Variants in TRANK1 observed in about 807,000 individuals in gnomAD.
TRANK1 encodes tetratricopeptide repeat and ankyrin repeat containing 1, also known as TPR and ankyrin repeat-containing protein 1.
A neutral mutation model predicts 266.0 loss-of-function variants in TRANK1; 198 were observed. The ratio of observed to expected loss-of-function variants is 0.74; its 90% CI spans 0.66 to 0.84. The LOEUF (loss-of-function observed/expected upper bound fraction) is 0.84. Among genes scored for constraint, TRANK1 ranks in the 40% least tolerant of loss-of-function variants. The pLI is 0.00. For synonymous variants in TRANK1, 1,396 were observed against 1,384.1 expected, an observed-to-expected ratio of 1.01 and a Z score of -0.19; for missense variants, 3,326 against 3,634.6, an observed-to-expected ratio of 0.92 and a Z score of 2.18.
At chr3:36,877,082 C>T (rs2079401083) in intron 8 of TRANK1, among the ~76,000 whole-genome samples, 1 of 152,148 alleles carries the variant, frequency 6.6e-6, no homozygotes, top group Non-Finnish European at 1.5e-5. Flanking sequence ...TTTAGGCCAA[C>T]TTAAATAATC....
chr3:36,833,600 C>T lies in TRANK1; in HGVS notation c.5983G>A (p.Ala1995Thr), dbSNP rs753552170. The change falls in exon 22 of 24, where the codon GCC becomes ACC. Residue 1995 changes from alanine to threonine, a missense_variant. Physicochemically the swap from Ala to Thr is moderately conservative, Grantham distance 58. Transcript: ENST00000645898. ...KDFQASCLLG[A>T]ARLNVARDSD... ...TCCCTGGCCACATTGAGGCGGGCGGCCCCCAGCAGACATGAGGCCTGGAAG... is the reference window on the plus strand; with the variant it reads ...TCCCTGGCCACATTGAGGCGGGCGGTCCCCAGCAGACATGAGGCCTGGAAG... 2 of 1,613,766 alleles carry T rather than the reference C, an allele frequency of 1.2e-6. No homozygotes were observed. Among genetic ancestry groups the T allele is most frequent in the East Asian group, 4.5e-5 (2 of 44,872 alleles).
At chr3:36,851,577 A>G (rs1161498915) in intron 15 of TRANK1, 142 bp downstream of exon 15, 1 of 1,248,526 alleles carries the variant, frequency 8.0e-7, no homozygotes, top group African/African-American at 1.5e-5. Flanking sequence ...ACAAAACCTC[A>G]TACTGAATGA....
In TRANK1 at chr3:36,832,222, G is replaced by T. The variant is rs770494961; in HGVS notation, c.7361C>A (p.Ala2454Asp). ...PLIPSIGNTVALLEFQFIHCG... is the reference protein window; with the variant it reads ...PLIPSIGNTVDLLEFQFIHCG... ...GTGGATGAACTGGAACTCCAGGAGG[G>T]CTACTGTGTTTCCAATGCTGGGGAT... The change falls in exon 22 of 24, where the codon GCC becomes GAC. Residue 2454 changes from alanine to aspartate, a missense_variant. By Grantham distance (126) the Ala-to-Asp change is moderately radical (BLOSUM62 -2). Coordinates refer to ENST00000645898, the MANE Select transcript of TRANK1 (RefSeq NM_001329998.2). 1.9e-6 allele frequency: 3 copies of T among 1,613,850 alleles called. No homozygotes were observed. Among genetic ancestry groups the T allele is most frequent in the Non-Finnish European group, 2.5e-6 (3 of 1,179,892 alleles).
intron 9 of TRANK1, among the ~76,000 whole-genome samples, chr3:36,865,024 G>GTTGTTTTTTTTT (rs58393381): frequency 8.3e-6 from 1 of 119,808 alleles, no homozygotes; most frequent in African/African-American, 3.4e-5. Context: ...TGTTTTTTTG[G>GTTGTTTTTTTTT]TTTTTTTTTT....
intron 22 of TRANK1, 90 bp downstream of exon 22, chr3:36,830,783 C>A: frequency 7.1e-7 from 1 of 1,398,980 alleles, no homozygotes; most frequent in South Asian, 1.5e-5. Context: ...ATCCCCAAGT[C>A]AGAAGCCACG....
chr3:36,835,179 C>T (rs931675926), intron 20 of TRANK1, among the ~76,000 whole-genome samples: 6 of 151,110 alleles, frequency 4.0e-5, no homozygotes, highest in African/African-American at 7.3e-5. Flanking sequence ...ATTAGCCGGG[C>T]GTAGTGGCGG....
Position 36,856,238 on chromosome 3 carries a change from C to G in TRANK1, c.3484G>C (p.Ala1162Pro). The G allele has an allele frequency of 6.2e-7, 1 of 1,613,322 alleles. No homozygotes were observed. Among genetic ancestry groups the G allele is most frequent in the Non-Finnish European group, 8.5e-7 (1 of 1,179,514 alleles). ...GCTGGCTCCACACCGGCTCCTCCTGCGCAGGCTTCATACTCCTGCTCATCT... is the reference window on the plus strand; with the variant it reads ...GCTGGCTCCACACCGGCTCCTCCTGGGCAGGCTTCATACTCCTGCTCATCT... Reference protein sequence around the residue: ...SIDEQEYEACAGGAGVEPAGD... With the variant: ...SIDEQEYEACPGGAGVEPAGD... Residue 1162 changes from alanine (A) to proline (P), a missense_variant, in exon 13 of 24, where the codon GCA becomes CCA. Ala to Pro is a conservative substitution (Grantham distance 27). Transcript: ENST00000645898.
intron 1 of TRANK1, among the ~76,000 whole-genome samples, chr3:36,925,716 G>A (rs1454737488): frequency 1.3e-5 from 2 of 151,350 alleles, no homozygotes; most frequent in African/African-American, 2.4e-5. Context: ...TCAGCCTCCC[G>A]AGTAGCTGGG....
chr3:36,940,777 A>G (rs575823232), intron 1 of TRANK1, among the ~76,000 whole-genome samples: 21 of 152,288 alleles, frequency 1.4e-4, no homozygotes, highest in East Asian at 5.8e-4. Context: ...TCCATACCCA[A>G]TATGGACCCT....
At chr3:36,891,769 C>G (rs993078898) in intron 7 of TRANK1, among the ~76,000 whole-genome samples, 3 of 152,186 alleles carry the variant, frequency 2.0e-5, no homozygotes, top group Admixed American at 2.0e-4. Flanking sequence ...CTTGGGATAC[C>G]CCCAGCCAAG....
chr3:36,877,349 C>T (rs1293791048), intron 8 of TRANK1, among the ~76,000 whole-genome samples: 3 of 152,130 alleles, frequency 2.0e-5, no homozygotes, highest in African/African-American at 2.4e-5. Flanking sequence ...TTGATGTATA[C>T]ATTTTGTACC....
chr3:36,856,032 G>T lies in TRANK1; in HGVS notation c.3690C>A (p.His1230Gln). The T allele has an allele frequency of 1.2e-6, 2 of 1,613,858 alleles. No individual in the cohort carries two copies. The highest frequency in any genetic ancestry group is 1.7e-6 in the Non-Finnish European group (2 of 1,179,886). The change falls in exon 13 of 24, where the codon CAC (histidine) becomes CAA (glutamine). Residue 1230 changes from histidine (H) to glutamine (Q), a missense_variant. Physicochemically the swap from His to Gln is conservative, Grantham distance 24. Transcript: ENST00000645898. ...SHYKPLDPNI[H>Q]KLQDLRDENF... ...TCTCGTCCCTCAGGTCCTGGAGTTTGTGAATGTTGGGGTCCAGTGGTTTGT... is the reference window on the plus strand; with the variant it reads ...TCTCGTCCCTCAGGTCCTGGAGTTTTTGAATGTTGGGGTCCAGTGGTTTGT...
chr3:36,887,098 T>G (rs1245597538), intron 8 of TRANK1, among the ~76,000 whole-genome samples: 1 of 152,046 alleles, frequency 6.6e-6, no homozygotes, highest in East Asian at 1.9e-4. Context: ...GAGATGTGTT[T>G]TTTGTAAATC....
chr3:36,832,950 C>T lies in TRANK1; in HGVS notation c.6633G>A (p.Arg2211=), dbSNP rs1287367548. 2 of 1,612,154 alleles carry T rather than the reference C, an allele frequency of 1.2e-6. No individual in the cohort carries two copies. The highest frequency in any genetic ancestry group is 1.7e-5 in the Admixed American group (1 of 59,812). The change falls in exon 22 of 24, where the codon AGG becomes AGA. Residue 2211 remains arginine, a synonymous_variant. Coordinates refer to ENST00000645898, the MANE Select transcript of TRANK1 (RefSeq NM_001329998.2). ...CEDENCEHFH[R]PLRRCEAKCL... ...ACTTGGCTTCACAACGCCGCAGAGG[C>T]CTGTGAAAATGTTCACAGTTTTCAT...
intron 1 of TRANK1, among the ~76,000 whole-genome samples, chr3:36,939,090 C>T (rs111600568): frequency 0.029 from 4,447 of 151,848 alleles, 215 homozygotes; most frequent in African/African-American, 0.1. Flanking sequence ...TGAGCTGAGA[C>T]CGCACCACTG....
chr3:36,943,319 TATA>T (rs912839806), intron 1 of TRANK1, among the ~76,000 whole-genome samples: 4 of 152,190 alleles, frequency 2.6e-5, no homozygotes, highest in African/African-American at 9.7e-5. Context: ...TATATGTATA[TATA>T]ATATTACACA....
intron 8 of TRANK1, among the ~76,000 whole-genome samples, chr3:36,881,823 A>T (rs2079536040): frequency 6.6e-6 from 1 of 152,146 alleles, no homozygotes. Context: ...TATTCCGGAC[A>T]TTTCATATCA....
At chr3:36,859,440 C>T (rs2079104784) in intron 11 of TRANK1, among the ~76,000 whole-genome samples, 1 of 152,080 alleles carries the variant, frequency 6.6e-6, no homozygotes, top group Non-Finnish European at 1.5e-5. Context: ...TCCTGACAGG[C>T]CCTGGTGTGT....
In TRANK1 at chr3:36,857,923, T is replaced by C. The variant is rs188364303; in HGVS notation, c.1799A>G (p.Gln600Arg). 4.4e-6 allele frequency: 7 copies of C among 1,606,502 alleles called. No individual in the cohort carries two copies. The East Asian group carries it at 1.6e-4, about 36-fold the overall frequency. ...CTTCACGCGCTTTAGCATGCCCTTCTGGAAGAGGATGTGCATCAGCGTGTT... is the reference window on the plus strand; with the variant it reads ...CTTCACGCGCTTTAGCATGCCCTTCCGGAAGAGGATGTGCATCAGCGTGTT... Reference protein sequence around the residue: ...NGNTLMHILFQKGMLKRVKKL... With the variant: ...NGNTLMHILFRKGMLKRVKKL... Residue 600 changes from glutamine to arginine, a missense_variant, in exon 13 of 24, where the codon CAG becomes CGG. By Grantham distance (43) the Gln-to-Arg change is conservative. Transcript: ENST00000645898. The surrounding 1 kb of genome is among the most constrained non-coding windows in gnomAD (Gnocchi z 4.3).
Sources: allele counts gnomAD v4.1 joint callset (sites outside exome capture counted in the v4.1 genomes callset), GRCh38; gene constraint gnomAD v4.1.1; non-coding constraint Gnocchi (gnomAD v3.1); transcripts MANE v1.5; gene names NCBI Gene and HGNC (gene_info 2026-07-23, HGNC 2026-07-21).